CBR4: variants seen among roughly 807,000 people sequenced by gnomAD.
CBR4 encodes carbonyl reductase 4, also known as 3-oxoacyl-[acyl-carrier-protein] reductase.
A neutral mutation model predicts 21.0 loss-of-function variants in CBR4; 22 were observed. The observed-to-expected ratio is 1.05, with a 90% CI of 0.75 to 1.50. CBR4 has a LOEUF of 1.50. Among genes scored for constraint, CBR4 ranks in the 40% most tolerant of loss-of-function variants. CBR4 has a pLI of 0.00. For synonymous variants in CBR4, 100 were observed against 104.4 expected, an observed-to-expected ratio of 0.96 and a Z score of 0.26; for missense variants, 302 against 286.3, an observed-to-expected ratio of 1.05 and a Z score of -0.40.
At chr4:168,895,566 A>G (rs1754949053) in intron 2 of CBR4, among the ~76,000 whole-genome samples, 1 of 152,254 alleles carries the variant, frequency 6.6e-6, no homozygotes, top group Non-Finnish European at 1.5e-5. Context: ...TACAAAGAAC[A>G]TCTTAAGGAA....
chr4:168,951,116 T>C (rs1763528532), intron 2 of CBR4, among the ~76,000 whole-genome samples: 2 of 152,142 alleles, frequency 1.3e-5, no homozygotes, highest in South Asian at 4.1e-4. Context: ...TGGAGTGCAG[T>C]GGTGCAATCT....
intron 2 of CBR4, among the ~76,000 whole-genome samples, chr4:168,905,517 G>A (rs556119654): frequency 6.6e-6 from 1 of 151,938 alleles, no homozygotes; most frequent in East Asian, 1.9e-4. Context: ...AATATTCCAT[G>A]GTCATATAAA....
At chr4:168,938,567 G>T (rs1160153016) in intron 2 of CBR4, among the ~76,000 whole-genome samples, 1 of 151,880 alleles carries the variant, frequency 6.6e-6, no homozygotes, top group African/African-American at 2.4e-5. Context: ...CACTAGCCAG[G>T]CTACTAAAGA....
At chr4:168,949,368 G>T (rs1006967095) in intron 2 of CBR4, among the ~76,000 whole-genome samples, 7 of 152,118 alleles carry the variant, frequency 4.6e-5, no homozygotes, top group African/African-American at 1.4e-4. Context: ...TCTTTCTCTT[G>T]TCTGATTGCT....
chr4:168,924,973 T>G, intron 2 of CBR4: 1 of 1,614,152 alleles, frequency 6.2e-7, no homozygotes, highest in Non-Finnish European at 8.5e-7. Flanking sequence ...CGGCTACATC[T>G]GCCTGCTCAT....
At chr4:168,979,949 G>A (rs999071048) in intron 2 of CBR4, among the ~76,000 whole-genome samples, 1 of 152,060 alleles carries the variant, frequency 6.6e-6, no homozygotes, top group African/African-American at 2.4e-5. Flanking sequence ...AGGCTAGTCT[G>A]TCTTCCCTGT....
chr4:168,946,794 G>C (rs1263999484), intron 2 of CBR4, among the ~76,000 whole-genome samples: 1 of 151,938 alleles, frequency 6.6e-6, no homozygotes, highest in East Asian at 1.9e-4. Context: ...CATGTAAAAT[G>C]GTCCTGCGAC....
At chr4:168,970,717 T>A (rs1764180745) in intron 2 of CBR4, among the ~76,000 whole-genome samples, 1 of 151,744 alleles carries the variant, frequency 6.6e-6, no homozygotes, top group Non-Finnish European at 1.5e-5. Flanking sequence ...TGAGAACATA[T>A]GATGTTTGGT....
At chr4:168,932,232 A>G (rs1762989292) in intron 2 of CBR4, among the ~76,000 whole-genome samples, 1 of 152,102 alleles carries the variant, frequency 6.6e-6, no homozygotes, top group South Asian at 2.1e-4. Context: ...GAGAAATTCA[A>G]CAAAGAACAT....
intron 2 of CBR4, among the ~76,000 whole-genome samples, chr4:168,934,827 T>C (rs1158617762): frequency 1.3e-5 from 2 of 152,162 alleles, no homozygotes; most frequent in African/African-American, 2.4e-5. Flanking sequence ...TCCAAACTTA[T>C]TTTACAGGGC....
downstream of CBR4, among the ~76,000 whole-genome samples, chr4:168,982,731 A>G (rs1265341296): frequency 6.6e-6 from 1 of 152,212 alleles, no homozygotes; most frequent in Non-Finnish European, 1.5e-5. Flanking sequence ...CTCATACCAC[A>G]GCACAGTAAA....
chr4:168,987,855 C>T lies in CBR4; in HGVS notation c.*2295G>A, dbSNP rs1449915142. 1.0e-6 allele frequency: 1 copy of T among 980,210 alleles called. No individual in the cohort carries two copies. The highest frequency in any genetic ancestry group is 1.8e-5 in the African/African-American group (1 of 57,084). The allele number at this position is 980,210 out of a possible 1,614,324, so 60.7% of individuals were successfully genotyped here. A position where few individuals can be genotyped will look rare whatever the true frequency, so the allele number is the denominator to read the frequency against. The stretch of plus-strand genomic sequence containing the variant: ...TAATTATCTCCCTAAAAAGCAGTTA[C>T]AAACCATAAATTGAATATGAATAAA... On this transcript the variant is annotated 3_prime_UTR_variant, in exon 5 of 5. Transcript: ENST00000306193.
intron 2 of CBR4, among the ~76,000 whole-genome samples, chr4:168,932,970 C>G (rs1763010156): frequency 6.6e-6 from 1 of 151,954 alleles, no homozygotes; most frequent in Non-Finnish European, 1.5e-5. Flanking sequence ...ATAACCACCA[C>G]CATGATGAAA....
At chr4:168,930,250 A>T (rs1468511479) in intron 2 of CBR4, among the ~76,000 whole-genome samples, 1 of 152,156 alleles carries the variant, frequency 6.6e-6, no homozygotes, top group Non-Finnish European at 1.5e-5. Context: ...CATTATTTTG[A>T]GAAGGGATCC....
At chr4:168,938,321 G>C (rs777867551) in intron 2 of CBR4, among the ~76,000 whole-genome samples, 25 of 152,294 alleles carry the variant, frequency 1.6e-4, no homozygotes, top group Admixed American at 9.8e-4. Flanking sequence ...GCAGTATTTA[G>C]AGGGAAATTT....
At chr4:168,906,591 C>T (rs1306960328) in intron 2 of CBR4, among the ~76,000 whole-genome samples, 1 of 152,086 alleles carries the variant, frequency 6.6e-6, no homozygotes, top group Non-Finnish European at 1.5e-5. Flanking sequence ...CAAATATATA[C>T]AATTATAATT....
intron 2 of CBR4, among the ~76,000 whole-genome samples, chr4:168,942,036 T>C (rs928787601): frequency 6.6e-6 from 1 of 152,146 alleles, no homozygotes. Flanking sequence ...ATATATACCA[T>C]AGAATACTAT....
chr4:168,905,148 T>G (rs1269640512), intron 2 of CBR4, among the ~76,000 whole-genome samples: 4 of 129,610 alleles, frequency 3.1e-5, no homozygotes, highest in South Asian at 2.8e-4. Flanking sequence ...GTTTTTTTTT[T>G]TTTTTTTTTT....
chr4:168,895,558 CA>C (rs1480231584), intron 2 of CBR4, among the ~76,000 whole-genome samples: 1 of 152,142 alleles, frequency 6.6e-6, no homozygotes, highest in Non-Finnish European at 1.5e-5. Flanking sequence ...GAAAATGTTA[CA>C]AAGAACATCT....
Sources: gnomAD v4.1 joint callset for allele counts (sites outside exome capture counted in the v4.1 genomes callset) on GRCh38, gnomAD v4.1.1 for gene constraint, MANE v1.5 for transcripts, NCBI Gene and HGNC (gene_info 2026-07-23, HGNC 2026-07-21) for gene names.